Variants in USP53 observed in about 807,000 individuals in gnomAD.
USP53 encodes the protein ubiquitin carboxyl-terminal hydrolase 53.
In USP53, 71 loss-of-function variants were observed where a neutral mutation model predicts 94.9. The observed-to-expected ratio is 0.75, with a 90% CI of 0.62 to 0.91. USP53 has a LOEUF of 0.91. USP53 is among the 40% of genes least tolerant of loss of function. The pLI, the probability that USP53 is intolerant of heterozygous loss-of-function variation, is 0.00. For missense variants in USP53, 1,173 were observed against 1,281.0 expected, an observed-to-expected ratio of 0.92 and a Z score of 1.29; for synonymous variants, 375 against 422.7, an observed-to-expected ratio of 0.89 and a Z score of 1.39.
intron 17 of USP53, among the ~76,000 whole-genome samples, chr4:119,284,924 T>A (rs1436858471): frequency 2.0e-5 from 3 of 151,860 alleles, no homozygotes; most frequent in South Asian, 2.1e-4. Flanking sequence ...AGTAAAGAAA[T>A]GAATTTTTGT....
chr4:119,278,285 G>A (rs1253081834), intron 17 of USP53, among the ~76,000 whole-genome samples: 2 of 151,862 alleles, frequency 1.3e-5, no homozygotes, highest in East Asian at 1.9e-4. Context: ...AGCTCTTTTA[G>A]GGCAGGCCTA....
At chr4:119,283,141 T>G (rs1753698970) in intron 17 of USP53, among the ~76,000 whole-genome samples, 1 of 151,982 alleles carries the variant, frequency 6.6e-6, no homozygotes, top group Non-Finnish European at 1.5e-5. Flanking sequence ...TTGGGAACAT[T>G]GTTTAAATTG....
chr4:119,255,561 C>T (rs935650401), intron 7 of USP53, among the ~76,000 whole-genome samples: 3 of 152,190 alleles, frequency 2.0e-5, no homozygotes, highest in South Asian at 2.1e-4. Flanking sequence ...GAGCCAGGCA[C>T]GGGAGGGGAA....
In USP53 at chr4:119,262,860, C is replaced by A. The variant is rs112769901; in HGVS notation, c.972+996C>A. ...AGGAGCTTTTAAAAAAACATATATT[C>A]CTGGATTCCTAAAGTTTTGATTCAG... is the stretch of plus-strand genomic sequence containing the variant. On this transcript the variant is annotated intron_variant, in intron 12 of 18. Coordinates refer to ENST00000692078, the MANE Select transcript of USP53 (RefSeq NM_001371395.1). Among the ~76,000 whole-genome samples the A allele has an allele frequency of 2.8e-3, 419 of 152,250 alleles. 1 individual carries two copies. The highest frequency in any genetic ancestry group is 9.7e-3 in the African/African-American group (405 of 41,540).
intron 3 of USP53, among the ~76,000 whole-genome samples, chr4:119,233,026 A>T (rs1472952465): frequency 6.6e-6 from 1 of 151,720 alleles, no homozygotes. Flanking sequence ...TTTTTCTTGT[A>T]TTAATTTTGG....
intron 3 of USP53, among the ~76,000 whole-genome samples, chr4:119,228,630 A>G (rs1161922334): frequency 6.6e-6 from 1 of 152,110 alleles, no homozygotes; most frequent in Non-Finnish European, 1.5e-5. Context: ...GGGGCACAGG[A>G]GAGCTTCTCA....
chr4:119,259,297 G>A (rs532099140), intron 9 of USP53, among the ~76,000 whole-genome samples: 16 of 147,778 alleles, frequency 1.1e-4, no homozygotes, highest in Non-Finnish European at 2.2e-4. Flanking sequence ...AAAAAAAAAG[G>A]GGGGGGAGTA....
intron 17 of USP53, among the ~76,000 whole-genome samples, chr4:119,287,811 G>C (rs1170002349): frequency 6.6e-6 from 1 of 152,158 alleles, no homozygotes; most frequent in Non-Finnish European, 1.5e-5. Flanking sequence ...TTAGTATAAT[G>C]TCTTTGTATG....
chr4:119,253,970 C>T, intron 7 of USP53, among the ~76,000 whole-genome samples: 1 of 152,142 alleles, frequency 6.6e-6, no homozygotes, highest in Admixed American at 6.5e-5. Context: ...TTCTCCTTCA[C>T]TTAGGAAGCT....
At chr4:119,253,220 ATG>A (rs1429792470) in intron 7 of USP53, among the ~76,000 whole-genome samples, 1 of 152,172 alleles carries the variant, frequency 6.6e-6, no homozygotes, top group East Asian at 1.9e-4. Flanking sequence ...AGTTCTGTAG[ATG>A]TCTATTAGGT....
At chr4:119,260,396 A>T in intron 10 of USP53, 111 bp from the exon 11 acceptor site, 1 of 840,430 alleles carries the variant, frequency 1.2e-6, no homozygotes, top group Non-Finnish European at 1.7e-6. Flanking sequence ...TTTTTAGTAT[A>T]CTGAATAAAT....
In USP53 at chr4:119,218,462, C is replaced by T. The variant is rs866891580; in HGVS notation, c.-665+789C>T. On this transcript the variant is annotated intron_variant, in intron 3 of 18. Coordinates refer to ENST00000692078, the MANE Select transcript of USP53 (RefSeq NM_001371395.1). ...GGTAAAAGCAACATGAAATATAGCA[C>T]GGTTTTTTGTTAGACACAAAGAAAT... is the stretch of plus-strand genomic sequence containing the variant. 9 of 151,994 alleles carry T rather than the reference C, an allele frequency of 5.9e-5. No homozygotes were observed. In the South Asian group the frequency reaches 6.2e-4, roughly 11 times the overall value. The allele number at this position is 151,994 out of a possible 1,614,324, so 9.4% of individuals were successfully genotyped here.
intron 9 of USP53, among the ~76,000 whole-genome samples, chr4:119,257,725 A>G (rs538829787): frequency 6.6e-5 from 10 of 152,328 alleles, no homozygotes; most frequent in South Asian, 2.1e-4. Flanking sequence ...TGTGTTTACT[A>G]TCTTTCTTAC....
intron 17 of USP53, among the ~76,000 whole-genome samples, chr4:119,287,070 G>C (rs1332894972): frequency 6.6e-6 from 1 of 152,024 alleles, no homozygotes; most frequent in Non-Finnish European, 1.5e-5. Context: ...TTGCACCACT[G>C]AGTTGGGAAC....
At chr4:119,223,721 G>A in intron 3 of USP53, among the ~76,000 whole-genome samples, 1 of 152,186 alleles carries the variant, frequency 6.6e-6, no homozygotes, top group Admixed American at 6.5e-5. Flanking sequence ...AGGTGGTTTG[G>A]TTAGAAGTAA....
Position 119,291,152 on chromosome 4 carries a change from C to A in USP53, c.2252-13C>A. On this transcript the variant is annotated splice_polypyrimidine_tract_variant and intron_variant, in intron 17 of 18. Coordinates refer to ENST00000692078, the MANE Select transcript of USP53 (RefSeq NM_001371395.1). Reference sequence around the variant, plus strand: ...TTTTCCTCATCTCTTCTCCCCACCCCACCCAACCCTAGGCTTTAGAAAAGA... The same window carrying A: ...TTTTCCTCATCTCTTCTCCCCACCCAACCCAACCCTAGGCTTTAGAAAAGA... 9.8e-7 allele frequency: 1 copy of A among 1,017,236 alleles called. No individual in the cohort carries two copies. Among genetic ancestry groups the A allele is most frequent in the South Asian group, 1.7e-5 (1 of 57,488 alleles). The allele number at this position is 1,017,236 out of a possible 1,614,324, so 63.0% of individuals were successfully genotyped here.
At chr4:119,213,343 G>C (rs1174760570) in intron 1 of USP53, 1 of 152,148 alleles carries the variant, frequency 6.6e-6, no homozygotes, top group East Asian at 1.9e-4. Context: ...GAAGAGAGAT[G>C]ACTGGACTCG....
intron 12 of USP53, among the ~76,000 whole-genome samples, chr4:119,265,425 A>G (rs1750994461): frequency 6.6e-6 from 1 of 152,182 alleles, no homozygotes; most frequent in Non-Finnish European, 1.5e-5. Flanking sequence ...AACTGGCTGT[A>G]TTAATCACCC....
In USP53 at chr4:119,291,251, T is replaced by C; in HGVS notation, c.2338T>C (p.Leu780=). The change falls in exon 18 of 19, where the codon TTG becomes CTG. Residue 780 remains leucine, a synonymous_variant. Transcript: ENST00000692078. ...PESHLQIKNH[L]IKRSHVHEDN... Reference sequence around the variant, plus strand: ...ATCACATTTACAAATAAAAAATCATTTGATAAAAAGGTAACCATATTTTTT... The same window carrying C: ...ATCACATTTACAAATAAAAAATCATCTGATAAAAAGGTAACCATATTTTTT... 3.2e-6 allele frequency: 5 copies of C among 1,567,254 alleles called. No homozygotes were observed. The highest frequency in any genetic ancestry group is 4.3e-6 in the Non-Finnish European group (5 of 1,156,578).
Sources: gnomAD v4.1 joint callset for allele counts (sites outside exome capture counted in the v4.1 genomes callset) on GRCh38, gnomAD v4.1.1 for gene constraint, MANE v1.5 for transcripts, NCBI Gene and HGNC (gene_info 2026-07-23, HGNC 2026-07-21) for gene names.